Variants in ARHGEF7 observed in about 807,000 individuals in gnomAD.
ARHGEF7 encodes the protein PAK-interacting exchange factor beta.
A neutral mutation model predicts 109.8 loss-of-function variants in ARHGEF7; 33 were observed. That is an observed-to-expected ratio of 0.30 (90% confidence interval 0.23 to 0.40). The LOEUF is 0.40. ARHGEF7 is among the 10% of genes least tolerant of loss of function. The pLI is 1.00. For synonymous variants in ARHGEF7, 458 were observed against 424.6 expected, an observed-to-expected ratio of 1.08 and a Z score of -0.97; for missense variants, 938 against 1,098.5, an observed-to-expected ratio of 0.85 and a Z score of 2.07.
chr13:111,227,893 C>T (rs958997441), intron 5 of ARHGEF7, among the ~76,000 whole-genome samples: 1 of 152,260 alleles, frequency 6.6e-6, no homozygotes, highest in Non-Finnish European at 1.5e-5. Context: ...TCTGCCTTTA[C>T]TCACCTGTAT....
Position 111,280,291 on chromosome 13 carries a change from G to T in ARHGEF7, c.1526G>T (p.Gly509Val). 1 of 1,612,504 alleles carries T rather than the reference G, an allele frequency of 6.2e-7. No homozygotes were observed. The highest frequency in any genetic ancestry group is 8.5e-7 in the Non-Finnish European group (1 of 1,179,450). Reference protein sequence around the residue: ...FIYQGKLPTTGMTITKLEDSE... With the variant: ...FIYQGKLPTTVMTITKLEDSE... Reference sequence around the variant, plus strand: ...TTTTAGGGAAAGCTTCCAACGACAGGAATGACAATCACAAAGCTTGAGGAC... The same window carrying T: ...TTTTAGGGAAAGCTTCCAACGACAGTAATGACAATCACAAAGCTTGAGGAC... Residue 509 changes from glycine to valine, a missense_variant, in exon 14 of 22, where the codon GGA becomes GTA. By Grantham distance (109) the Gly-to-Val change is moderately radical. Coordinates refer to ENST00000646102, the MANE Select transcript of ARHGEF7 (RefSeq NM_001354046.2).
intron 5 of ARHGEF7, among the ~76,000 whole-genome samples, chr13:111,232,057 C>T (rs889621966): frequency 3.3e-5 from 5 of 152,184 alleles, no homozygotes; most frequent in Middle Eastern, 3.4e-3. Context: ...ATGTACAGAA[C>T]GTAGAATCAA....
intron 5 of ARHGEF7, 101 bp from the exon 6 acceptor site, chr13:111,233,104 C>T: frequency 2.0e-6 from 2 of 992,888 alleles, no homozygotes; most frequent in East Asian, 4.9e-5. Context: ...CTTGTTAATT[C>T]AGTGAGGCTG....
At chr13:111,245,722 A>T (rs1270984061) in intron 8 of ARHGEF7, among the ~76,000 whole-genome samples, 1 of 152,208 alleles carries the variant, frequency 6.6e-6, no homozygotes, top group South Asian at 2.1e-4. Flanking sequence ...TGCGTTGTTG[A>T]TGTTGGAAAT....
intron 2 of ARHGEF7, among the ~76,000 whole-genome samples, chr13:111,167,848 C>G (rs1389203906): frequency 6.6e-6 from 1 of 152,160 alleles, no homozygotes; most frequent in Non-Finnish European, 1.5e-5. Flanking sequence ...AGTGCCTTTC[C>G]TGGGGGCACC....
chr13:111,293,872 G>T (rs2093361748), intron 19 of ARHGEF7: 2 of 985,242 alleles, frequency 2.0e-6, no homozygotes, highest in Non-Finnish European at 2.4e-6. Flanking sequence ...TGGGAGCCGG[G>T]TCCTGCTGCT....
chr13:111,279,388 C>G (rs956274758), intron 13 of ARHGEF7, among the ~76,000 whole-genome samples: 9 of 152,142 alleles, frequency 5.9e-5, no homozygotes, highest in African/African-American at 1.7e-4. Flanking sequence ...CTGGCCCTTA[C>G]TTGCTGGAGG....
intron 2 of ARHGEF7, among the ~76,000 whole-genome samples, chr13:111,196,595 T>G (rs897805162): frequency 2.6e-5 from 4 of 152,174 alleles, no homozygotes; most frequent in African/African-American, 9.7e-5. Flanking sequence ...CCTCTCCCCC[T>G]ACAGCTTGAA....
intron 1 of ARHGEF7, among the ~76,000 whole-genome samples, chr13:111,137,931 G>A (rs1030543319): frequency 3.3e-5 from 5 of 152,174 alleles, no homozygotes; most frequent in Non-Finnish European, 7.3e-5. Context: ...TTTTAATGCT[G>A]AGGCTTTTAA....
chr13:111,196,812 T>G (rs1274909746), intron 2 of ARHGEF7, among the ~76,000 whole-genome samples: 3 of 152,144 alleles, frequency 2.0e-5, no homozygotes, highest in Non-Finnish European at 4.4e-5. Context: ...AAAAGAAAGC[T>G]GGACATAAGG....
chr13:111,156,263 A>G (rs1365627916), intron 2 of ARHGEF7, among the ~76,000 whole-genome samples: 1 of 152,214 alleles, frequency 6.6e-6, no homozygotes, highest in East Asian at 1.9e-4. Context: ...CTTGGCACAT[A>G]ATAGGCTTTC....
rs201648561 is a variant in ARHGEF7, at chr13:111,180,303, A to G, written c.253-24986A>G. On this transcript the variant is annotated intron_variant, in intron 2 of 21. Coordinates refer to ENST00000646102, the MANE Select transcript of ARHGEF7 (RefSeq NM_001354046.2). ...TTCCCTTACGAGCTTTTCATTACCA[A>G]GCAAAAAATCAGTCTTTGACTCAGA... 2.6e-5 allele frequency among the ~76,000 whole-genome samples: 4 copies of G among 152,340 alleles called. No homozygotes were observed. In the East Asian group the frequency reaches 7.7e-4, roughly 29 times the overall value.
chr13:111,167,502 A>G (rs949315259), intron 2 of ARHGEF7, among the ~76,000 whole-genome samples: 1 of 152,168 alleles, frequency 6.6e-6, no homozygotes, highest in Non-Finnish European at 1.5e-5. Context: ...ACTGTCTAAG[A>G]TGAGGGTGTA....
intron 2 of ARHGEF7, among the ~76,000 whole-genome samples, chr13:111,197,000 C>T (rs543133129): frequency 8.5e-5 from 13 of 152,218 alleles, no homozygotes; most frequent in East Asian, 3.9e-4. Flanking sequence ...CAAATTGGTC[C>T]GAATGGCTTA....
chr13:111,288,295 C>A, intron 17 of ARHGEF7, 59 bp from the exon 18 acceptor site: 3 of 1,160,316 alleles, frequency 2.6e-6, no homozygotes, highest in African/African-American at 1.5e-5. Context: ...GCATTCGTCT[C>A]GCCAGTTGCC....
intron 8 of ARHGEF7, among the ~76,000 whole-genome samples, chr13:111,247,253 G>A (rs60111213): frequency 0.02 from 2,975 of 150,992 alleles, 102 homozygotes; most frequent in African/African-American, 0.069. Context: ...CCATATATAT[G>A]TAGCAGTTTC....
In ARHGEF7 at chr13:111,221,500, T is replaced by C. The variant is rs1304014459; in HGVS notation, c.670+3620T>C. On this transcript the variant is annotated intron_variant, in intron 5 of 21. Transcript: ENST00000646102. Reference sequence around the variant, plus strand: ...ATATAGATATATATAGACATATATATATCTATATATATAGATATATATCTA... The same window carrying C: ...ATATAGATATATATAGACATATATACATCTATATATATAGATATATATCTA... Among the ~76,000 whole-genome samples the C allele has an allele frequency of 9.8e-5, 8 of 81,838 alleles. 1 individual carries two copies. The highest frequency in any genetic ancestry group is 1.9e-4 in the Non-Finnish European group (8 of 41,740). The allele number at this position is 81,838 out of a possible 152,430, so 53.7% of individuals were successfully genotyped here. A position where few individuals can be genotyped will look rare whatever the true frequency, so the allele number is the denominator to read the frequency against.
intron 8 of ARHGEF7, among the ~76,000 whole-genome samples, chr13:111,247,070 T>C (rs1162272993): frequency 1.3e-5 from 2 of 152,214 alleles, no homozygotes; most frequent in African/African-American, 2.4e-5. Context: ...GTATACGAGG[T>C]GTTAGAGTTC....
At chr13:111,122,900 C>G (rs766789201) in intron 1 of ARHGEF7, among the ~76,000 whole-genome samples, 1 of 152,144 alleles carries the variant, frequency 6.6e-6, no homozygotes, top group Admixed American at 6.5e-5. Flanking sequence ...TTGGGAGAAC[C>G]GTTCACACTG....
Sources: gnomAD v4.1 joint callset for allele counts (sites outside exome capture counted in the v4.1 genomes callset) on GRCh38, gnomAD v4.1.1 for gene constraint, MANE v1.5 for transcripts, NCBI Gene and HGNC (gene_info 2026-07-23, HGNC 2026-07-21) for gene names.